The following MCTP1 variants were observed in gnomAD, a reference collection of about 807,000 sequenced individuals.
MCTP1 encodes multiple C2 and transmembrane domain containing 1, also known as multiple C2 and transmembrane domain-containing protein 1.
In MCTP1, 69 loss-of-function variants were observed where a neutral mutation model predicts 120.6. The ratio of observed to expected loss-of-function variants is 0.57; its 90% CI spans 0.47 to 0.70. The LOEUF (loss-of-function observed/expected upper bound fraction) is 0.70. Ranked by LOEUF, MCTP1 falls within the 30% of genes least tolerant of loss-of-function variation. The probability of loss-of-function intolerance (pLI) is 0.00; values close to 1 mark genes in which losing one functional copy is unlikely to be tolerated. For synonymous variants in MCTP1, 529 were observed against 493.1 expected, an observed-to-expected ratio of 1.07 and a Z score of -0.96; for missense variants, 1,203 against 1,248.8, an observed-to-expected ratio of 0.96 and a Z score of 0.55.
intron 1 of MCTP1, among the ~76,000 whole-genome samples, chr5:95,117,381 A>G: frequency 8.8e-6 from 1 of 113,996 alleles, no homozygotes; most frequent in Non-Finnish European, 1.7e-5. Context: ...ACAGAGCGAG[A>G]CTCCGTCTCA....
intron 8 of MCTP1, among the ~76,000 whole-genome samples, chr5:94,915,858 T>C (rs1809921782): frequency 6.6e-6 from 1 of 152,090 alleles, no homozygotes; most frequent in African/African-American, 2.4e-5. Context: ...AGACTTTACC[T>C]ACTGCCATTA....
At position 94,747,148 on chromosome 5, in the gene MCTP1, C is replaced by T. The variant is rs191623778; in HGVS notation, c.2610+31962G>A. ...GTTGTCCAGGAGTTCTGTGTGTGAA[C>T]TGCCATCTTTTCTGTTCCATGTAAT... On this transcript the variant is annotated intron_variant, in intron 19 of 22. Transcript: ENST00000515393. Among the ~76,000 whole-genome samples the T allele has an allele frequency of 3.9e-4, 59 of 152,238 alleles. 1 individual carries two copies. Among genetic ancestry groups the T allele is most frequent in the African/African-American group, 1.4e-3 (57 of 41,530 alleles).
chr5:95,002,150 C>T (rs899789218), intron 2 of MCTP1, among the ~76,000 whole-genome samples: 3 of 152,208 alleles, frequency 2.0e-5, no homozygotes, highest in African/African-American at 7.2e-5. Context: ...CGTTTGAGAA[C>T]CTCCACCTAG....
intron 1 of MCTP1, among the ~76,000 whole-genome samples, chr5:95,189,858 G>C (rs370136730): frequency 6.6e-6 from 1 of 152,054 alleles, no homozygotes; most frequent in African/African-American, 2.4e-5. Flanking sequence ...TTGGTTCAAG[G>C]ACATACCTGA....
chr5:94,997,889 T>C (rs992712391), intron 2 of MCTP1, among the ~76,000 whole-genome samples: 1 of 152,200 alleles, frequency 6.6e-6, no homozygotes, highest in African/African-American at 2.4e-5. Context: ...AAATTTATCA[T>C]TTATCATTAT....
chr5:95,146,140 T>C (rs898058751), intron 1 of MCTP1, among the ~76,000 whole-genome samples: 16 of 152,198 alleles, frequency 1.1e-4, no homozygotes, highest in African/African-American at 3.9e-4. Flanking sequence ...TCCAAGAATG[T>C]ATCCATTTCC....
chr5:94,847,717 G>T (rs1334489151), intron 17 of MCTP1, among the ~76,000 whole-genome samples: 15 of 149,166 alleles, frequency 1.0e-4, no homozygotes, highest in Non-Finnish European at 4.4e-5. Context: ...TATGTTGGGG[G>T]TGTAAATTTG....
At chr5:94,954,369 C>A (rs1215685996) in intron 2 of MCTP1, among the ~76,000 whole-genome samples, 1 of 151,116 alleles carries the variant, frequency 6.6e-6, no homozygotes, top group African/African-American at 2.4e-5. Context: ...CACATGAAGA[C>A]AAAGAATGGA....
intron 10 of MCTP1, among the ~76,000 whole-genome samples, 185 bp downstream of exon 10, chr5:94,909,066 G>A (rs1021613441): frequency 1.3e-5 from 2 of 151,968 alleles, no homozygotes; most frequent in East Asian, 1.9e-4. Flanking sequence ...CCATCAACTG[G>A]TCAAAACCGC....
intron 1 of MCTP1, among the ~76,000 whole-genome samples, chr5:95,149,311 C>G (rs1272952784): frequency 2.0e-5 from 3 of 152,194 alleles, no homozygotes; most frequent in African/African-American, 7.2e-5. Flanking sequence ...TGTCTCACCC[C>G]CTCAGTATTA....
At chr5:94,889,260 A>G (rs1802002387) in intron 11 of MCTP1, among the ~76,000 whole-genome samples, 1 of 152,196 alleles carries the variant, frequency 6.6e-6, no homozygotes, top group Admixed American at 6.5e-5. Context: ...CAAAATACAT[A>G]CAGTATCTTT....
intron 10 of MCTP1, among the ~76,000 whole-genome samples, chr5:94,898,458 A>G (rs1343168253): frequency 6.6e-6 from 1 of 152,234 alleles, no homozygotes; most frequent in Non-Finnish European, 1.5e-5. Context: ...CTACCCCCTC[A>G]TAACTTTTGA....
intron 1 of MCTP1, chr5:95,081,856 C>CTCTT: frequency 1.0e-6 from 1 of 1,003,872 alleles, no homozygotes; most frequent in East Asian, 1.0e-4. Context: ...AGTAGTCAAC[C>CTCTT]TCTTCCTCAT....
intron 17 of MCTP1, among the ~76,000 whole-genome samples, chr5:94,834,356 T>C (rs1311135257): frequency 6.6e-6 from 1 of 152,172 alleles, no homozygotes; most frequent in Non-Finnish European, 1.5e-5. Context: ...CATAACTAGC[T>C]GTCCCTTTTG....
intron 10 of MCTP1, among the ~76,000 whole-genome samples, chr5:94,902,104 T>C (rs1233926105): frequency 6.6e-6 from 1 of 152,166 alleles, no homozygotes; most frequent in African/African-American, 2.4e-5. Context: ...TTAGAGATTA[T>C]ATAATCTAAT....
At chr5:95,034,157 T>C (rs1031659537) in intron 1 of MCTP1, among the ~76,000 whole-genome samples, 1 of 151,968 alleles carries the variant, frequency 6.6e-6, no homozygotes, top group African/African-American at 2.4e-5. Context: ...CCCAAAGCAA[T>C]CTATAGATTC....
chr5:94,848,008 A>G (rs555887337), intron 17 of MCTP1, among the ~76,000 whole-genome samples: 2 of 151,998 alleles, frequency 1.3e-5, no homozygotes, highest in African/African-American at 4.8e-5. Context: ...GTATCCTCCT[A>G]AGCCTTGGTT....
chr5:95,072,821 C>T (rs1752579734), intron 1 of MCTP1, among the ~76,000 whole-genome samples: 1 of 147,234 alleles, frequency 6.8e-6, no homozygotes, highest in Non-Finnish European at 1.5e-5. Context: ...TCTCGGCTCA[C>T]TGCAAGCTCT....
chr5:95,138,233 A>ACGCC (rs558143445), intron 1 of MCTP1, among the ~76,000 whole-genome samples: 2 of 142,426 alleles, frequency 1.4e-5, no homozygotes, highest in Non-Finnish European at 3.1e-5. Context: ...GTGAGATGCA[A>ACGCC]CCCCCCCCCG....
Sources: gnomAD v4.1 joint callset for allele counts (sites outside exome capture counted in the v4.1 genomes callset) on GRCh38, gnomAD v4.1.1 for gene constraint, MANE v1.5 for transcripts, NCBI Gene and HGNC (gene_info 2026-07-23, HGNC 2026-07-21) for gene names.